The following TRPM6 variants were observed in gnomAD, a reference collection of about 807,000 sequenced individuals.
The protein encoded by TRPM6 is channel kinase 2.
In TRPM6, 111 loss-of-function variants were observed where a neutral mutation model predicts 247.6. The observed-to-expected ratio is 0.45, with a 90% CI of 0.38 to 0.52. The LOEUF (loss-of-function observed/expected upper bound fraction) is 0.52, where lower values mean the gene tolerates loss of function less well. TRPM6 is among the 20% of genes least tolerant of loss of function. TRPM6 has a pLI of 0.00. For missense variants in TRPM6, 2,126 were observed against 2,421.5 expected (o/e 0.88, Z 2.56); for synonymous variants, 892 against 853.8 (o/e 1.04, Z -0.78).
Position 74,762,479 on chromosome 9 carries a change from C to T in TRPM6, c.4192G>A (p.Ala1398Thr), listed in dbSNP as rs757154105. Residue 1398 changes from alanine to threonine, a missense_variant, in exon 26 of 39, where the codon GCA (alanine) becomes ACA (threonine). By Grantham distance (58) the Ala-to-Thr change is moderately conservative (BLOSUM62 0). Around this residue, in one of 3 missense-constraint regions of TRPM6, gnomAD observed 717 missense variants for 715.9 expected, o/e 1.00. Coordinates refer to ENST00000360774, the MANE Select transcript of TRPM6 (RefSeq NM_017662.5). ...TGQTPVVSDW[A>T]SVDEPKEKHE... ...TTTTCCTTGGGTTCATCCACTGATG[C>T]CCAGTCAGAGACAACTGGGGTCTGC... 3.7e-6 allele frequency: 6 copies of T among 1,614,128 alleles called. No individual in the cohort carries two copies. Among genetic ancestry groups the T allele is most frequent in the South Asian group, 1.1e-5 (1 of 91,076 alleles).
Position 74,818,293 on chromosome 9 carries a change from C to CTTTTTTTTTTT in TRPM6, c.1135-1340_1135-1330dup, listed in dbSNP as rs1161401022. On this transcript the variant is annotated intron_variant, in intron 9 of 38. Transcript: ENST00000360774. ...AACTCACGTTTCAGATCTATCATTT[C>CTTTTTTTTTTT]TTTTTTTTTTTTTTTTTTTTTTTTT... 5.6e-4 allele frequency among the ~76,000 whole-genome samples: 40 copies of CTTTTTTTTTTT among 72,022 alleles called. 8 individuals are homozygous for CTTTTTTTTTTT. Among genetic ancestry groups the CTTTTTTTTTTT allele is most frequent in the African/African-American group, 2.3e-3 (37 of 16,320 alleles). 47.2% of individuals were successfully genotyped at this position (72,022 alleles called of 152,430 possible).
intron 36 of TRPM6, among the ~76,000 whole-genome samples, chr9:74,733,414 A>C (rs994572374): frequency 1.3e-5 from 2 of 152,208 alleles, no homozygotes; most frequent in Non-Finnish European, 2.9e-5. Context: ...TCTAGGCCTC[A>C]AATGATTGTT....
At chr9:74,765,914 C>T (rs1826811408) in intron 25 of TRPM6, among the ~76,000 whole-genome samples, 1 of 152,190 alleles carries the variant, frequency 6.6e-6, no homozygotes, top group Non-Finnish European at 1.5e-5. Flanking sequence ...AATTCAACTT[C>T]TATAACTCAA....
intron 36 of TRPM6, among the ~76,000 whole-genome samples, chr9:74,733,387 C>G (rs1221706411): frequency 6.6e-6 from 1 of 152,078 alleles, no homozygotes. Flanking sequence ...CCCACAAACC[C>G]TCTGTTATAA....
chr9:74,735,472 G>A (rs1825664963), intron 36 of TRPM6, among the ~76,000 whole-genome samples: 1 of 152,058 alleles, frequency 6.6e-6, no homozygotes, highest in South Asian at 2.1e-4. Context: ...TAGCTTGGTG[G>A]AAATTTTTTT....
chr9:74,875,070 T>C (rs1022707046), intron 1 of TRPM6, among the ~76,000 whole-genome samples: 15 of 151,950 alleles, frequency 9.9e-5, no homozygotes, highest in Admixed American at 2.0e-4. Flanking sequence ...TGGCCTGTAA[T>C]TGTATTATAA....
Position 74,782,752 on chromosome 9 carries a change from C to T in TRPM6, c.3021G>A (p.Trp1007Ter), listed in dbSNP as rs1316962024. 6.2e-7 allele frequency: 1 copy of T among 1,614,148 alleles called. No homozygotes were observed. Among genetic ancestry groups the T allele is most frequent in the Non-Finnish European group, 8.5e-7 (1 of 1,180,020 alleles). Residue 1007 changes from tryptophan to a stop codon, truncating the protein, a stop_gained, in exon 22 of 39, where the codon TGG becomes TGA. Coordinates refer to ENST00000360774, the MANE Select transcript of TRPM6 (RefSeq NM_017662.5). LOFTEE classifies it high-confidence loss of function. Reference sequence around the variant, plus strand: ...CAAATACAATATCTCGAGCTAGACTCCAAGATGGTGGCTCTTTTGGCGAAA... The same window carrying T: ...CAAATACAATATCTCGAGCTAGACTTCAAGATGGTGGCTCTTTTGGCGAAA... ...AILSPKEPPS[W>*]SLARDIVFEP...
At position 74,762,218 on chromosome 9, in the gene TRPM6, A is replaced by G; in HGVS notation, c.4453T>C (p.Ser1485Pro). 1 of 1,614,142 alleles carries G rather than the reference A, an allele frequency of 6.2e-7. No individual in the cohort carries two copies. Among genetic ancestry groups the G allele is most frequent in the Non-Finnish European group, 8.5e-7 (1 of 1,180,030 alleles). ...CLPSTCDSDS[S>P]RSEQHQKQAQ... The stretch of plus-strand genomic sequence containing the variant: ...TGCTTCTGGTGCTGTTCACTCCGAG[A>G]GGAATCACTGTCACAAGTGGAGGGC... The change falls in exon 26 of 39, where the codon TCT (serine) becomes CCT (proline). Residue 1485 changes from serine (S) to proline (P), a missense_variant. By Grantham distance (74) the Ser-to-Pro change is moderately conservative. Around this residue, in one of 3 missense-constraint regions of TRPM6, gnomAD observed 717 missense variants for 715.9 expected, o/e 1.00. Transcript: ENST00000360774.
chr9:74,727,381 CAAAAAAAAAAAA>C (rs763828073), intron 38 of TRPM6, among the ~76,000 whole-genome samples: 3 of 52,242 alleles, frequency 5.7e-5, no homozygotes, highest in Admixed American at 1.9e-4. Context: ...GACTCCGTCT[CAAAAAAAAAAAA>C]AAAAAAAAAA....
intron 21 of TRPM6, among the ~76,000 whole-genome samples, chr9:74,785,389 C>T (rs916704278): frequency 3.9e-5 from 6 of 152,122 alleles, no homozygotes; most frequent in Admixed American, 3.9e-4. Context: ...GTTTGTAACA[C>T]AAAGGATTAA....
intron 1 of TRPM6, among the ~76,000 whole-genome samples, chr9:74,867,621 T>G (rs1830889741): frequency 6.6e-6 from 1 of 152,152 alleles, no homozygotes; most frequent in African/African-American, 2.4e-5. Flanking sequence ...TGCATTCAAT[T>G]TCTAAACTTA....
chr9:74,886,513 C>CTT (rs559658032), intron 1 of TRPM6, among the ~76,000 whole-genome samples: 1 of 145,826 alleles, frequency 6.9e-6, no homozygotes, highest in African/African-American at 2.5e-5. Context: ...CTTTTTTTCT[C>CTT]TTTTTTTTTT....
chr9:74,791,490 G>A (rs750644037), intron 19 of TRPM6, among the ~76,000 whole-genome samples: 1 of 151,400 alleles, frequency 6.6e-6, no homozygotes, highest in African/African-American at 2.4e-5. Context: ...GCTGTGTTAC[G>A]GAAAAAAATA....
Position 74,827,836 on chromosome 9 carries a change from A to G in TRPM6, c.783T>C (p.Asn261=). ...SDDGTVGKYG[N]EMKLRRNLEK... ...CCAGGTTCCTTCTGAGCTTCATTTC[A>G]TTTCCATACTTGCCCACGGTCCCAT... Residue 261 remains asparagine (N), a synonymous_variant, in exon 7 of 39, where the codon AAT becomes AAC. Transcript: ENST00000360774. The G allele has an allele frequency of 6.2e-7, 1 of 1,613,948 alleles. No individual in the cohort carries two copies. Among genetic ancestry groups the G allele is most frequent in the South Asian group, 1.1e-5 (1 of 91,070 alleles).
At position 74,742,571 on chromosome 9, in the gene TRPM6, G is replaced by T; in HGVS notation, c.5190C>A (p.Val1730=). The T allele has an allele frequency of 6.2e-7, 1 of 1,613,872 alleles. No individual in the cohort carries two copies. The highest frequency in any genetic ancestry group is 8.5e-7 in the Non-Finnish European group (1 of 1,179,890). The change falls in exon 33 of 39, where the codon GTC becomes GTA. Residue 1730 remains valine, a synonymous_variant. Coordinates refer to ENST00000360774, the MANE Select transcript of TRPM6 (RefSeq NM_017662.5). The part of the protein sequence containing the change: ...RLSQTIPFTP[V]QLFAGEEITV... Reference sequence around the variant, plus strand: ...AGAAATGCTACTCACCAAACAGTTGGACTGGTGTAAATGGTATGGTCTGAG... The same window carrying T: ...AGAAATGCTACTCACCAAACAGTTGTACTGGTGTAAATGGTATGGTCTGAG...
intron 1 of TRPM6, among the ~76,000 whole-genome samples, chr9:74,877,140 G>A (rs1197874069): frequency 6.6e-6 from 1 of 152,144 alleles, no homozygotes; most frequent in African/African-American, 2.4e-5. Context: ...TAATACAGTT[G>A]CTTTGAAACA....
At chr9:74,776,993 C>T (rs546915160) in intron 23 of TRPM6, among the ~76,000 whole-genome samples, 1 of 152,190 alleles carries the variant, frequency 6.6e-6, no homozygotes, top group South Asian at 2.1e-4. Flanking sequence ...AGAAAAGGAA[C>T]CAGGATTATC....
At position 74,867,882 on chromosome 9, in the gene TRPM6, A is replaced by G. The variant is rs1011479548; in HGVS notation, c.34-9134T>C. On this transcript the variant is annotated intron_variant, in intron 1 of 38. Coordinates refer to ENST00000360774, the MANE Select transcript of TRPM6 (RefSeq NM_017662.5). ...AAAAAATACTTTGATGGCCAGACGC[A>G]GTGGCTCACGCCTGTAATCCCAGCA... Among the ~76,000 whole-genome samples the G allele has an allele frequency of 2.6e-5, 4 of 152,212 alleles. No homozygotes were observed. The East Asian group carries it at 7.7e-4, about 29-fold the overall frequency.
chr9:74,868,514 A>G (rs1830926266), intron 1 of TRPM6, among the ~76,000 whole-genome samples: 1 of 152,094 alleles, frequency 6.6e-6, no homozygotes, highest in South Asian at 2.1e-4. Context: ...AATAAAATAA[A>G]ATAAAATAAA....
Sources: allele counts gnomAD v4.1 joint callset (sites outside exome capture counted in the v4.1 genomes callset), GRCh38; gene constraint gnomAD v4.1.1; regional missense constraint gnomAD v4.1.1; transcripts MANE v1.5; gene names NCBI Gene and HGNC (gene_info 2026-07-23, HGNC 2026-07-21).